The following NFILZ variants were observed in gnomAD, a reference collection of about 807,000 sequenced individuals.
The protein encoded by NFILZ is NFIL3 like basic leucine zipper, also known as NFIL3 like protein.
At position 8,647,795 on chromosome 19, in the gene NFILZ, G is replaced by GCACACA. The variant is rs879996864; in HGVS notation, c.-164+12086_-164+12091dup. The stretch of plus-strand genomic sequence containing the variant: ...CGCACACATGCGCGCGCGCGCGCGC[G>GCACACA]CACACACACACACACACACACACAC... On this transcript the variant is annotated intron_variant, in intron 3 of 5. Coordinates refer to ENST00000691075, the MANE Select transcript of NFILZ (RefSeq NM_001378600.1). Among the ~76,000 whole-genome samples the GCACACA allele has an allele frequency of 5.0e-3, 383 of 76,298 alleles. 6 individuals carry two copies. The highest frequency in any genetic ancestry group is 0.023 in the East Asian group (52 of 2,240). The allele number at this position is 76,298 out of a possible 152,430, so 50.1% of individuals were successfully genotyped here. A position where few individuals can be genotyped will look rare whatever the true frequency, so the allele number is the denominator to read the frequency against.
intron 3 of NFILZ, among the ~76,000 whole-genome samples, chr19:8,648,122 C>A (rs539096391): frequency 1.5e-4 from 21 of 141,780 alleles, no homozygotes; most frequent in Non-Finnish European, 3.0e-4. Context: ...TGCAGTGAGC[C>A]GAGATTGAGC....
At chr19:8,649,201 A>G (rs2042954799) in intron 3 of NFILZ, among the ~76,000 whole-genome samples, 1 of 149,906 alleles carries the variant, frequency 6.7e-6, no homozygotes, top group African/African-American at 2.5e-5. Flanking sequence ...CCTGGGTTCA[A>G]GCAATCCTCC....
At chr19:8,634,905 A>AC (rs2042887950) in intron 2 of NFILZ, among the ~76,000 whole-genome samples, 1 of 146,988 alleles carries the variant, frequency 6.8e-6, no homozygotes, top group Non-Finnish European at 1.5e-5. Flanking sequence ...AAACAAACAA[A>AC]AAAACAAAAA....
Position 8,652,989 on chromosome 19 carries a change from TTCCTTC to T in NFILZ, c.-164+17244_-164+17249del, listed in dbSNP as rs2042972879. 9.6e-4 allele frequency among the ~76,000 whole-genome samples: 29 copies of T among 30,170 alleles called. 1 individual carries two copies. The highest frequency in any genetic ancestry group is 6.8e-3 in the East Asian group (4 of 590). The allele number at this position is 30,170 out of a possible 152,430, so 19.8% of individuals were successfully genotyped here. A position where few individuals can be genotyped will look rare whatever the true frequency, so the allele number is the denominator to read the frequency against. On this transcript the variant is annotated intron_variant, in intron 3 of 5. Coordinates refer to ENST00000691075, the MANE Select transcript of NFILZ (RefSeq NM_001378600.1). The stretch of plus-strand genomic sequence containing the variant: ...CTTCCCTCCTTCCTTCCTTCCTTCC[TTCCTTC>T]CTTCCTTCCTTCCTTCCTTTCTTTC...
chr19:8,645,029 C>T (rs2042933242), intron 3 of NFILZ, among the ~76,000 whole-genome samples: 1 of 150,894 alleles, frequency 6.6e-6, no homozygotes, highest in South Asian at 2.1e-4. Flanking sequence ...CATCCCCCAC[C>T]TCAGCCTCCC....
chr19:8,666,481 A>G (rs1290492584), intron 3 of NFILZ, among the ~76,000 whole-genome samples: 1 of 151,708 alleles, frequency 6.6e-6, no homozygotes, highest in African/African-American at 2.4e-5. Context: ...AGCCTATGCC[A>G]GGTATCTTAT....
intron 3 of NFILZ, among the ~76,000 whole-genome samples, chr19:8,643,500 T>C (rs897037897): frequency 6.6e-6 from 1 of 152,180 alleles, no homozygotes; most frequent in East Asian, 1.9e-4. Flanking sequence ...AGCATTTGCA[T>C]TGGTGGACTG....
intron 3 of NFILZ, among the ~76,000 whole-genome samples, chr19:8,665,776 A>G (rs1555749708): frequency 1.3e-5 from 2 of 152,242 alleles, no homozygotes; most frequent in East Asian, 3.8e-4. Context: ...GGCAGGAAAA[A>G]TTGGTATCTC....
chr19:8,657,007 AGTT>A (rs538578680), intron 3 of NFILZ, among the ~76,000 whole-genome samples: 212 of 149,518 alleles, frequency 1.4e-3, no homozygotes, highest in African/African-American at 4.1e-3. Flanking sequence ...GAGGGGATCC[AGTT>A]GTTGTAAGGA....
intron 3 of NFILZ, among the ~76,000 whole-genome samples, chr19:8,663,750 G>GTGTGTGTATGTGTGTA (rs1555674964): frequency 1.3e-4 from 18 of 137,064 alleles, no homozygotes; most frequent in Middle Eastern, 3.6e-3. Flanking sequence ...GTGTGTGTGT[G>GTGTGTGTATGTGTGTA]TGTGTGTGTG....
At chr19:8,648,981 G>T (rs1053540669) in intron 3 of NFILZ, among the ~76,000 whole-genome samples, 6 of 151,902 alleles carry the variant, frequency 3.9e-5, no homozygotes, top group African/African-American at 1.5e-4. Flanking sequence ...ATTTAGTTTT[G>T]AGACATGATC....
intron 3 of NFILZ, among the ~76,000 whole-genome samples, chr19:8,648,210 G>C (rs2042950844): frequency 2.0e-5 from 3 of 147,702 alleles, no homozygotes; most frequent in African/African-American, 7.5e-5. Context: ...AATAGGGAAT[G>C]CCGGGCTTAA....
chr19:8,663,784 T>TGTGTGTGTGTGTG (rs2043048867), intron 3 of NFILZ, among the ~76,000 whole-genome samples: 1 of 19,632 alleles, frequency 5.1e-5, no homozygotes, highest in African/African-American at 2.6e-4. Flanking sequence ...GTATGTGTGT[T>TGTGTGTGTGTGTG]TGTTGTGGGG....
chr19:8,668,823 C>T (rs527745505), intron 3 of NFILZ, among the ~76,000 whole-genome samples: 9 of 152,150 alleles, frequency 5.9e-5, no homozygotes, highest in Admixed American at 1.3e-4. Context: ...TATTTGGTCT[C>T]GAGTGGATAG....
chr19:8,655,929 C>T (rs2042990042), intron 3 of NFILZ, among the ~76,000 whole-genome samples: 1 of 151,964 alleles, frequency 6.6e-6, no homozygotes, highest in African/African-American at 2.4e-5. Flanking sequence ...GTCTCTGTCT[C>T]CGTTTGAGTC....
At chr19:8,633,645 G>A (rs937906210) in intron 2 of NFILZ, among the ~76,000 whole-genome samples, 4 of 152,074 alleles carry the variant, frequency 2.6e-5, no homozygotes, top group South Asian at 4.1e-4. Flanking sequence ...CCCTCCAGCC[G>A]CCCTGAGGAT....
At chr19:8,668,638 G>T (rs2043073386) in intron 3 of NFILZ, among the ~76,000 whole-genome samples, 1 of 152,104 alleles carries the variant, frequency 6.6e-6, no homozygotes, top group South Asian at 2.1e-4. Context: ...TTTCTCCTTG[G>T]TCTGGGCCTT....
At position 8,671,144 on chromosome 19, in the gene NFILZ, G is replaced by C. The variant is rs949639592; in HGVS notation, c.-163-3407G>C. On this transcript the variant is annotated intron_variant, in intron 3 of 5. Transcript: ENST00000691075. ...ACCAAACAGAGCTTTGATGTCACTG[G>C]TCAAGGCAGCTGCGGAGGCTGCTTG... Among the ~76,000 whole-genome samples, 21 of 152,248 alleles carry C rather than the reference G, an allele frequency of 1.4e-4. No individual in the cohort carries two copies. In the East Asian group the frequency reaches 3.5e-3, roughly 25 times the overall value.
At chr19:8,636,146 C>G (rs1555746071) in intron 3 of NFILZ, among the ~76,000 whole-genome samples, 1 of 151,728 alleles carries the variant, frequency 6.6e-6, no homozygotes, top group Non-Finnish European at 1.5e-5. Flanking sequence ...CAAAACCAGC[C>G]TTTTAAAAAA....
Sources: allele counts gnomAD v4.1 joint callset (sites outside exome capture counted in the v4.1 genomes callset), GRCh38; gene constraint gnomAD v4.1.1; transcripts MANE v1.5; gene names NCBI Gene and HGNC (gene_info 2026-07-23, HGNC 2026-07-21).